SEL1L2: variants seen among roughly 807,000 people sequenced by gnomAD.
SEL1L2 encodes the protein protein sel-1 homolog 2.
SEL1L2 carries 89 observed loss-of-function variants against 98.8 expected under a neutral mutation model. That is an observed-to-expected ratio of 0.90 (90% CI 0.76 to 1.07). The LOEUF (loss-of-function observed/expected upper bound fraction) is 1.07. Among genes scored for constraint, SEL1L2 ranks in the 50% least tolerant of loss-of-function variants. The pLI is 0.00. For synonymous variants in SEL1L2, 262 were observed against 278.5 expected (o/e 0.94, Z 0.59); for missense variants, 788 against 812.0 (o/e 0.97, Z 0.36).
Position 13,886,302 on chromosome 20 carries a change from C to A in SEL1L2, c.886G>T (p.Asp296Tyr). 4 of 1,608,988 alleles carry A rather than the reference C, an allele frequency of 2.5e-6. No homozygotes were observed. The highest frequency in any genetic ancestry group is 3.4e-6 in the Non-Finnish European group (4 of 1,177,096). The change falls in exon 9 of 20, where the codon GAT (aspartate) becomes TAT (tyrosine). Residue 296 changes from aspartate (D) to tyrosine (Y), a missense_variant. Coordinates refer to ENST00000284951, the MANE Select transcript of SEL1L2 (RefSeq NM_025229.2). The stretch of plus-strand genomic sequence containing the variant: ...GTATACATTACTTGTATCTGAACAT[C>A]TCCTCTTTCTGCCAAAAATTTATAG... ...QYYKFLAERG[D>Y]VQIQVSLGQL...
intron 2 of SEL1L2, among the ~76,000 whole-genome samples, chr20:13,935,227 G>A (rs976721731): frequency 8.5e-5 from 13 of 152,132 alleles, no homozygotes; most frequent in Non-Finnish European, 1.8e-4. Context: ...ACTCTCCAAG[G>A]CATCCAGAGA....
At chr20:13,936,376 C>T (rs1215060817) in intron 2 of SEL1L2, among the ~76,000 whole-genome samples, 1 of 152,200 alleles carries the variant, frequency 6.6e-6, no homozygotes, top group Admixed American at 6.5e-5. Flanking sequence ...GGCCCAAATT[C>T]TGCTAAGATG....
Position 13,938,568 on chromosome 20 carries a change from A to C in SEL1L2, c.115-6797T>G, listed in dbSNP as rs866294672. On this transcript the variant is annotated intron_variant, in intron 2 of 19. Transcript: ENST00000284951. ...TAACATATAAACATATCTTATTCAC[A>C]ATCATCCATTCCAATTGCCAAACCC... Among the ~76,000 whole-genome samples, 12 of 152,318 alleles carry C rather than the reference A, an allele frequency of 7.9e-5. No individual in the cohort carries two copies. The Middle Eastern group carries it at 0.014, about 173-fold the overall frequency.
intron 1 of SEL1L2, among the ~76,000 whole-genome samples, chr20:13,981,486 A>C (rs993530053): frequency 3.3e-5 from 5 of 152,220 alleles, no homozygotes; most frequent in African/African-American, 4.8e-5. Flanking sequence ...ATATGAAGGG[A>C]TGGATATGTT....
intron 6 of SEL1L2, 40 bp from the exon 7 acceptor site, chr20:13,888,041 G>A (rs1341301327): frequency 6.4e-7 from 1 of 1,569,160 alleles, no homozygotes; most frequent in South Asian, 1.2e-5. Context: ...CCCCAAACCA[G>A]GTTGGCCATT....
intron 11 of SEL1L2, 97 bp from the exon 12 acceptor site, chr20:13,876,212 A>G (rs2046422173): frequency 1.7e-5 from 15 of 860,704 alleles, no homozygotes; most frequent in Non-Finnish European, 2.9e-5. Flanking sequence ...GGTACAACAT[A>G]TTGAATGTAG....
intron 1 of SEL1L2, among the ~76,000 whole-genome samples, chr20:13,985,772 A>C (rs1340740645): frequency 6.6e-6 from 1 of 152,152 alleles, no homozygotes; most frequent in African/African-American, 2.4e-5. Flanking sequence ...TCATTACCCC[A>C]AAAAGAAATC....
chr20:13,918,808 G>C (rs2148226306), intron 4 of SEL1L2, among the ~76,000 whole-genome samples: 1 of 152,272 alleles, frequency 6.6e-6, no homozygotes, highest in African/African-American at 2.4e-5. Flanking sequence ...TTAATACGGG[G>C]ACTGCAATCT....
At chr20:13,937,314 A>G (rs531629400) in intron 2 of SEL1L2, among the ~76,000 whole-genome samples, 2 of 152,258 alleles carry the variant, frequency 1.3e-5, no homozygotes, top group African/African-American at 2.4e-5. Flanking sequence ...AACCCGCCCA[A>G]GTGTTTATAT....
chr20:13,884,208 T>C (rs894902391), intron 10 of SEL1L2, among the ~76,000 whole-genome samples: 4 of 152,236 alleles, frequency 2.6e-5, no homozygotes, highest in Non-Finnish European at 4.4e-5. Context: ...TAAAGTTGTT[T>C]CTATCACTTA....
chr20:13,865,626 T>C, intron 15 of SEL1L2, 112 bp from the exon 16 acceptor site: 1 of 904,506 alleles, frequency 1.1e-6, no homozygotes, highest in Admixed American at 2.6e-5. Context: ...GGAAGGATTT[T>C]AGGTCTAAAA....
intron 1 of SEL1L2, among the ~76,000 whole-genome samples, chr20:13,962,755 T>C (rs137897715): frequency 6.6e-6 from 1 of 152,216 alleles, no homozygotes; most frequent in Non-Finnish European, 1.5e-5. Context: ...GTCCTAGCAT[T>C]GAGAAAAGGA....
At position 13,876,113 on chromosome 20, in the gene SEL1L2, C is replaced by T; in HGVS notation, c.1029G>A (p.Met343Ile). 1 of 1,610,024 alleles carries T rather than the reference C, an allele frequency of 6.2e-7. No individual in the cohort carries two copies. Among genetic ancestry groups the T allele is most frequent in the Non-Finnish European group, 8.5e-7 (1 of 1,176,588 alleles). Residue 343 changes from methionine (M) to isoleucine (I), a missense_variant and splice_region_variant, in exon 12 of 20, where the codon ATG becomes ATA. Transcript: ENST00000284951. ...SANAMAFIGK[M>I]YLEGNAAVPQ... is the part of the protein sequence containing the mutation. ...GCACGGCAGCATTCCCCTCTAAATA[C>T]ATCTAGGAAGAAAAATGAAAAGAGG...
In SEL1L2 at chr20:13,887,825, T is replaced by C. The variant is rs372108662; in HGVS notation, c.689A>G (p.Asn230Ser). The part of the protein sequence containing the change: ...ILGYRYLSGI[N>S]VLQNCEVALS... ...GGCAACTTCACAATTCTGTAGAACA[T>C]TGATTCCCGACAAATATCTGTACCC... Residue 230 changes from asparagine (N) to serine (S), a missense_variant, in exon 8 of 20, where the codon AAT becomes AGT. Coordinates refer to ENST00000284951, the MANE Select transcript of SEL1L2 (RefSeq NM_025229.2). The C allele has an allele frequency of 1.9e-5, 31 of 1,613,390 alleles. No homozygotes were observed. The highest frequency in any genetic ancestry group is 2.5e-5 in the Non-Finnish European group (29 of 1,179,600).
intron 2 of SEL1L2, among the ~76,000 whole-genome samples, chr20:13,936,208 C>A (rs1186276248): frequency 6.6e-6 from 1 of 152,166 alleles, no homozygotes; most frequent in Non-Finnish European, 1.5e-5. Context: ...AGAGATCTGA[C>A]CTAACCAGCT....
intron 2 of SEL1L2, among the ~76,000 whole-genome samples, chr20:13,934,092 A>G (rs370759541): frequency 4.0e-5 from 6 of 150,028 alleles, no homozygotes; most frequent in African/African-American, 7.4e-5. Context: ...ACGGAACCCA[A>G]TTTGTAGCCT....
chr20:13,990,856 T>C (rs2052511568), upstream of SEL1L2, among the ~76,000 whole-genome samples: 1 of 152,228 alleles, frequency 6.6e-6, no homozygotes, highest in East Asian at 1.9e-4. Flanking sequence ...TTCAACTGTG[T>C]TCAGGGGTGC....
At chr20:13,946,315 A>C (rs934564878) in intron 2 of SEL1L2, among the ~76,000 whole-genome samples, 1 of 152,210 alleles carries the variant, frequency 6.6e-6, no homozygotes, top group African/African-American at 2.4e-5. Flanking sequence ...CAAAATCAAT[A>C]CAAAATAGTT....
chr20:13,888,139 C>T, intron 6 of SEL1L2, 138 bp from the exon 7 acceptor site: 1 of 728,732 alleles, frequency 1.4e-6, no homozygotes, highest in Non-Finnish European at 2.2e-6. Flanking sequence ...TTTCAAATTT[C>T]ACTCTCCTTT....
Sources: allele counts gnomAD v4.1 joint callset (sites outside exome capture counted in the v4.1 genomes callset), GRCh38; gene constraint gnomAD v4.1.1; transcripts MANE v1.5; gene names NCBI Gene and HGNC (gene_info 2026-07-23, HGNC 2026-07-21).